The following MDGA2 variants were observed in gnomAD, a reference collection of about 807,000 sequenced individuals.
The protein encoded by MDGA2 is MAM domain containing glycosylphosphatidylinositol anchor 2.
In MDGA2, 40 loss-of-function variants were observed where a neutral mutation model predicts 117.8. That is an observed-to-expected ratio of 0.34 (90% CI 0.26 to 0.44). The LOEUF is 0.44. Among genes scored for constraint, MDGA2 ranks in the 20% least tolerant of loss-of-function variants. The pLI is 1.00. For synonymous variants in MDGA2, 452 were observed against 439.0 expected (o/e 1.03, Z -0.37); for missense variants, 1,123 against 1,250.6 (o/e 0.90, Z 1.54).
At chr14:46,974,688 G>C (rs1044863600) in intron 8 of MDGA2, among the ~76,000 whole-genome samples, 1 of 152,112 alleles carries the variant, frequency 6.6e-6, no homozygotes, top group African/African-American at 2.4e-5. Context: ...AAAGAATTAA[G>C]TTAGATCACT....
intron 3 of MDGA2, among the ~76,000 whole-genome samples, chr14:47,205,784 A>G (rs1351567869): frequency 6.6e-6 from 1 of 151,990 alleles, no homozygotes. Context: ...TTAGCTTAGC[A>G]TTTCAGCTAC....
intron 2 of MDGA2, among the ~76,000 whole-genome samples, chr14:47,235,637 T>C (rs1239107358): frequency 6.6e-6 from 1 of 152,314 alleles, no homozygotes; most frequent in East Asian, 1.9e-4. Flanking sequence ...ATGGACAATC[T>C]TGTGGCAAGG....
intron 1 of MDGA2, among the ~76,000 whole-genome samples, chr14:47,357,899 A>G (rs1566752957): frequency 6.6e-6 from 1 of 152,170 alleles, no homozygotes; most frequent in Non-Finnish European, 1.5e-5. Flanking sequence ...GTCTACATGA[A>G]GTAGTTACAG....
At chr14:47,428,181 C>G (rs1892728576) in intron 1 of MDGA2, among the ~76,000 whole-genome samples, 1 of 152,152 alleles carries the variant, frequency 6.6e-6, no homozygotes, top group East Asian at 1.9e-4. Context: ...ATTAAAGAAA[C>G]TCTTTACTCA....
chr14:47,379,472 C>G (rs1891560924), intron 1 of MDGA2, among the ~76,000 whole-genome samples: 1 of 152,030 alleles, frequency 6.6e-6, no homozygotes, highest in Admixed American at 6.6e-5. Context: ...TTTAGGAGAC[C>G]CATCTCACGT....
intron 2 of MDGA2, among the ~76,000 whole-genome samples, chr14:47,282,050 G>GAAA (rs1255955701): frequency 4.8e-5 from 6 of 124,218 alleles, no homozygotes; most frequent in Non-Finnish European, 8.5e-5. Flanking sequence ...TCCGTCTCGG[G>GAAA]AAAAAAAAAA....
At chr14:47,097,935 A>T (rs1326084788) in intron 5 of MDGA2, among the ~76,000 whole-genome samples, 1 of 152,010 alleles carries the variant, frequency 6.6e-6, no homozygotes, top group African/African-American at 2.4e-5. Context: ...CCTTTTCATC[A>T]AACACTCCAA....
intron 3 of MDGA2, among the ~76,000 whole-genome samples, chr14:47,161,838 A>G (rs922717548): frequency 8.7e-5 from 13 of 149,282 alleles, no homozygotes; most frequent in African/African-American, 3.2e-4. Context: ...CATAGCTTTC[A>G]GTTTTAAGAA....
chr14:47,536,736 A>C (rs994275411), intron 1 of MDGA2, among the ~76,000 whole-genome samples: 1 of 152,262 alleles, frequency 6.6e-6, no homozygotes, highest in Non-Finnish European at 1.5e-5. Context: ...ACTTCTATGA[A>C]TAGTAAAAGG....
chr14:46,901,049 G>C (rs1595032107), intron 10 of MDGA2, among the ~76,000 whole-genome samples: 1 of 151,986 alleles, frequency 6.6e-6, no homozygotes, highest in African/African-American at 2.4e-5. Context: ...TATTGAAAAG[G>C]CTTTTAAAGT....
At chr14:47,083,135 G>C (rs955768976) in intron 6 of MDGA2, among the ~76,000 whole-genome samples, 5 of 151,604 alleles carry the variant, frequency 3.3e-5, no homozygotes, top group Admixed American at 2.6e-4. Context: ...GAAAGAGACA[G>C]GAAAAAGAAT....
chr14:47,613,903 G>A (rs1405190665), intron 1 of MDGA2, among the ~76,000 whole-genome samples: 10 of 151,882 alleles, frequency 6.6e-5, no homozygotes, highest in Non-Finnish European at 1.5e-4. Context: ...TGCAATATTT[G>A]GAGTTGTGTT....
At chr14:46,974,516 C>A (rs1886382223) in intron 8 of MDGA2, among the ~76,000 whole-genome samples, 1 of 152,044 alleles carries the variant, frequency 6.6e-6, no homozygotes, top group African/African-American at 2.4e-5. Flanking sequence ...GTGGTACTGG[C>A]ATAAAAATAG....
At chr14:46,908,833 G>C (rs1001708692) in intron 10 of MDGA2, among the ~76,000 whole-genome samples, 1 of 152,116 alleles carries the variant, frequency 6.6e-6, no homozygotes, top group African/African-American at 2.4e-5. Context: ...TTGATTATTT[G>C]AAATTAGATT....
At chr14:46,897,633 A>T (rs1275158669) in intron 10 of MDGA2, among the ~76,000 whole-genome samples, 1 of 120,336 alleles carries the variant, frequency 8.3e-6, no homozygotes, top group Non-Finnish European at 1.9e-5. Flanking sequence ...TATATAAAGC[A>T]CTTAAAGATG....
intron 10 of MDGA2, among the ~76,000 whole-genome samples, chr14:46,894,333 TTTC>T (rs1250396459): frequency 6.6e-6 from 1 of 152,098 alleles, no homozygotes; most frequent in Non-Finnish European, 1.5e-5. Flanking sequence ...CTATTCTCCA[TTTC>T]TTCTTCTTAT....
At chr14:47,645,257 T>A (rs1041715575) in intron 1 of MDGA2, among the ~76,000 whole-genome samples, 1 of 152,306 alleles carries the variant, frequency 6.6e-6, no homozygotes, top group South Asian at 2.1e-4. Context: ...ATCCTTTTTT[T>A]TTTTTTAGAG....
At chr14:47,559,986 C>T (rs1895764797) in intron 1 of MDGA2, among the ~76,000 whole-genome samples, 2 of 152,210 alleles carry the variant, frequency 1.3e-5, no homozygotes, top group South Asian at 4.1e-4. Context: ...TTGTTTTCCA[C>T]AATGGCTGAA....
At chr14:47,196,454 T>C (rs1349666135) in intron 3 of MDGA2, among the ~76,000 whole-genome samples, 5 of 152,194 alleles carry the variant, frequency 3.3e-5, no homozygotes, top group African/African-American at 4.8e-5. Flanking sequence ...AGCTGCTTCC[T>C]AAGCGTATAC....
Sources: gnomAD v4.1 joint callset for allele counts (sites outside exome capture counted in the v4.1 genomes callset) on GRCh38, gnomAD v4.1.1 for gene constraint, MANE v1.5 for transcripts, NCBI Gene and HGNC (gene_info 2026-07-23, HGNC 2026-07-21) for gene names.